Variants in TET1 observed in about 807,000 individuals in gnomAD.
TET1 encodes methylcytosine dioxygenase TET1.
TET1 carries 13 observed loss-of-function variants against 148.7 expected under a neutral mutation model. The ratio of observed to expected loss-of-function variants is 0.09; its 90% CI spans 0.06 to 0.14. TET1 has a LOEUF of 0.14. Ranked by LOEUF, TET1 falls within the 10% of genes least tolerant of loss-of-function variation. TET1 has a pLI of 1.00. For synonymous variants in TET1, 907 were observed against 937.2 expected, an observed-to-expected ratio of 0.97 and a Z score of 0.59; for missense variants, 2,182 against 2,553.8, an observed-to-expected ratio of 0.85 and a Z score of 3.14.
intron 2 of TET1, among the ~76,000 whole-genome samples, chr10:68,574,827 A>C (rs565873496): frequency 6.6e-6 from 1 of 152,308 alleles, no homozygotes; most frequent in East Asian, 1.9e-4. Context: ...GGTTGTTGGG[A>C]TTAAAGGAAA....
chr10:68,675,948 C>T (rs1456241892), intron 8 of TET1, among the ~76,000 whole-genome samples: 3 of 151,982 alleles, frequency 2.0e-5, no homozygotes, highest in East Asian at 1.9e-4. Context: ...CTCCACCTCC[C>T]GGGTTCAAGT....
intron 8 of TET1, among the ~76,000 whole-genome samples, chr10:68,678,320 T>C (rs1791411068): frequency 6.6e-6 from 1 of 152,170 alleles, no homozygotes; most frequent in Non-Finnish European, 1.5e-5. Context: ...AGTTTAGATA[T>C]ATTGGTATTG....
chr10:68,651,792 TCC>T, intron 4 of TET1, 52 bp from the exon 5 acceptor site: 1 of 1,322,960 alleles, frequency 7.6e-7, no homozygotes, highest in Non-Finnish European at 1.1e-6. Context: ...GCTTCTCCTG[TCC>T]CCTATGCAAT....
chr10:68,622,223 C>T (rs112953148), intron 3 of TET1, among the ~76,000 whole-genome samples: 773 of 66,446 alleles, frequency 0.012, 19 homozygotes, highest in African/African-American at 0.044. Context: ...CCTTCCTTCC[C>T]TCCTTCCTCC....
At chr10:68,638,674 T>C (rs576031016) in intron 3 of TET1, among the ~76,000 whole-genome samples, 27 of 152,292 alleles carry the variant, frequency 1.8e-4, no homozygotes, top group African/African-American at 6.5e-4. Flanking sequence ...GCTTTATTTT[T>C]CTATATGATT....
intron 3 of TET1, among the ~76,000 whole-genome samples, chr10:68,628,012 G>A (rs1027159402): frequency 6.6e-6 from 1 of 151,930 alleles, no homozygotes; most frequent in Non-Finnish European, 1.5e-5. Flanking sequence ...TATTATTTTT[G>A]GGGGGGACAG....
chr10:68,662,895 A>G, intron 6 of TET1, among the ~76,000 whole-genome samples: 1 of 152,328 alleles, frequency 6.6e-6, no homozygotes, highest in East Asian at 1.9e-4. Context: ...CACTCCAGCC[A>G]AGGTGACATA....
intron 3 of TET1, among the ~76,000 whole-genome samples, chr10:68,634,921 C>T (rs2054628517): frequency 6.6e-6 from 1 of 151,828 alleles, no homozygotes; most frequent in Admixed American, 6.6e-5. Flanking sequence ...GCCACCATGC[C>T]TGGCTAATTT....
intron 2 of TET1, among the ~76,000 whole-genome samples, chr10:68,577,057 C>A (rs572941028): frequency 6.6e-6 from 1 of 152,108 alleles, no homozygotes; most frequent in Non-Finnish European, 1.5e-5. Context: ...TACAGGTGCC[C>A]GCCACCGCGC....
intron 2 of TET1, among the ~76,000 whole-genome samples, chr10:68,581,454 G>A (rs1249123681): frequency 6.6e-6 from 1 of 152,134 alleles, no homozygotes. Context: ...AAAAAGGAAC[G>A]GGGGACTGTA....
At chr10:68,616,843 G>T (rs2054297479) in intron 3 of TET1, among the ~76,000 whole-genome samples, 1 of 149,480 alleles carries the variant, frequency 6.7e-6, no homozygotes, top group South Asian at 2.1e-4. Context: ...GAGCAGCTGG[G>T]GCTACAGGCG....
rs1364619538 is a variant in TET1, at chr10:68,644,726, GC to G, written c.2001del (p.Lys668SerfsTer20). ...KADFDNKPVNGPKSESMDYSR... is the reference protein window; with the variant it reads ...KADFDNKPVNXPKSESMDYSR... ...GATTTTGACAACAAACCAGTAAATG[GC>G]CCCAAGTCAGAATCCATGGACTACA... On this transcript the variant is annotated frameshift_variant, in exon 4 of 12. Coordinates refer to ENST00000373644, the MANE Select transcript of TET1 (RefSeq NM_030625.3). LOFTEE classifies it high-confidence loss of function. 1 of 1,574,308 alleles carries G rather than the reference GC, an allele frequency of 6.4e-7. No individual in the cohort carries two copies. The highest frequency in any genetic ancestry group is 1.4e-5 in the African/African-American group (1 of 72,902).
At position 68,691,628 on chromosome 10, in the gene TET1, T is replaced by A. The variant is rs1376745186; in HGVS notation, c.6225T>A (p.Asn2075Lys). 6.2e-7 allele frequency: 1 copy of A among 1,614,086 alleles called. No homozygotes were observed. The highest frequency in any genetic ancestry group is 8.5e-7 in the Non-Finnish European group (1 of 1,180,006). Residue 2075 changes from asparagine to lysine, a missense_variant, in exon 12 of 12, where the codon AAT becomes AAA. Around this residue, in one of 11 missense-constraint regions of TET1, gnomAD observed 54 missense variants for 44.4 expected, o/e 1.22. Coordinates refer to ENST00000373644, the MANE Select transcript of TET1 (RefSeq NM_030625.3). The surrounding 1 kb of genome is among the most constrained non-coding windows in gnomAD (Gnocchi z 4.4). ...KIKFEAKEAK[N>K]KKMKASEQKD... ...AGTTTGAGGCTAAAGAAGCTAAGAA[T>A]AAGAAAATGAAGGCCTCAGAGCAAA...
At chr10:68,648,261 T>A (rs2054881070) in intron 4 of TET1, among the ~76,000 whole-genome samples, 1 of 152,194 alleles carries the variant, frequency 6.6e-6, no homozygotes, top group Admixed American at 6.5e-5. Flanking sequence ...TATGAGAAAT[T>A]TCCTCAGTAT....
intron 11 of TET1, among the ~76,000 whole-genome samples, chr10:68,688,469 C>G (rs200721087): frequency 1.8e-4 from 26 of 141,012 alleles, no homozygotes; most frequent in East Asian, 6.2e-4. Flanking sequence ...GAGTCTCGCT[C>G]TGTCTCCCAG....
chr10:68,635,980 C>T (rs2054644692), intron 3 of TET1, among the ~76,000 whole-genome samples: 1 of 152,094 alleles, frequency 6.6e-6, no homozygotes, highest in Non-Finnish European at 1.5e-5. Context: ...CAAACCAGAC[C>T]ATTAAGGGGT....
At chr10:68,672,769 T>A in intron 7 of TET1, 126 bp from the exon 8 acceptor site, 2 of 649,834 alleles carry the variant, frequency 3.1e-6, no homozygotes, top group Non-Finnish European at 4.8e-6. Flanking sequence ...ATAAGTAATA[T>A]AATAGATAAG....
In TET1 at chr10:68,682,093, C is replaced by CTTTTTTTTTTTTTTTT. The variant is rs386371716; in HGVS notation, c.4914+614_4914+629dup. Among the ~76,000 whole-genome samples, 7 of 67,052 alleles carry CTTTTTTTTTTTTTTTT rather than the reference C, an allele frequency of 1.0e-4. 1 individual carries two copies. Among genetic ancestry groups the CTTTTTTTTTTTTTTTT allele is most frequent in the African/African-American group, 1.2e-4 (2 of 16,278 alleles). 44.0% of individuals were successfully genotyped at this position (67,052 alleles called of 152,430 possible). A position where few individuals can be genotyped will look rare whatever the true frequency, so the allele number is the denominator to read the frequency against. On this transcript the variant is annotated intron_variant, in intron 9 of 11. Coordinates refer to ENST00000373644, the MANE Select transcript of TET1 (RefSeq NM_030625.3). Reference sequence around the variant, plus strand: ...TAATTGGACTTTTTATTGATCTACTCTTTTTTTTTTTTTTTTTTTTTTTTG... The same window carrying CTTTTTTTTTTTTTTTT: ...TAATTGGACTTTTTATTGATCTACTCTTTTTTTTTTTTTTTTTTTTTTTTTTTTTTTTTTTTTTTTG...
intron 8 of TET1, among the ~76,000 whole-genome samples, chr10:68,674,106 C>T (rs1282631668): frequency 1.3e-5 from 2 of 151,640 alleles, no homozygotes; most frequent in African/African-American, 4.8e-5. Flanking sequence ...AGATTACAGG[C>T]ATGCACCACC....
Sources: allele counts gnomAD v4.1 joint callset (sites outside exome capture counted in the v4.1 genomes callset), GRCh38; gene constraint gnomAD v4.1.1; regional missense constraint gnomAD v4.1.1; non-coding constraint Gnocchi (gnomAD v3.1); transcripts MANE v1.5; gene names NCBI Gene and HGNC (gene_info 2026-07-23, HGNC 2026-07-21).